Variants in RXFP2 observed in about 807,000 individuals in gnomAD.
The protein encoded by RXFP2 is relaxin family peptide receptor 2, also known as relaxin receptor 2.
Under a neutral mutation model 88.6 loss-of-function variants are expected in RXFP2, and 68 were observed. The ratio of observed to expected loss-of-function variants is 0.77; its 90% CI spans 0.63 to 0.94. The LOEUF is 0.94. Ranked by LOEUF, RXFP2 falls within the 40% of genes least tolerant of loss-of-function variation. The pLI is 0.00. For synonymous variants in RXFP2, 329 were observed against 306.8 expected, an observed-to-expected ratio of 1.07 and a Z score of -0.76; for missense variants, 791 against 893.9, an observed-to-expected ratio of 0.88 and a Z score of 1.47.
At chr13:31,745,779 TC>T (rs1871385242) in intron 1 of RXFP2, among the ~76,000 whole-genome samples, 1 of 152,222 alleles carries the variant, frequency 6.6e-6, no homozygotes, top group Non-Finnish European at 1.5e-5. Context: ...TTCAGGGTTT[TC>T]TCACAATGGA....
In RXFP2 at chr13:31,765,050, T is replaced by C. The variant is rs777920668; in HGVS notation, c.333T>C (p.Tyr111=). ...TTGTCCCATTAGTTCTAAAACAGTATCCACAATGCTGTGACTGCAAAGAAA... is the reference window on the plus strand; with the variant it reads ...TTGTCCCATTAGTTCTAAAACAGTACCCACAATGCTGTGACTGCAAAGAAA... ...ALTQECFLKQ[Y]PQCCDCKETE... is the part of the protein sequence containing the mutation. Residue 111 remains tyrosine (Y), a synonymous_variant, in exon 4 of 18, where the codon TAT becomes TAC. Transcript: ENST00000298386. The C allele has an allele frequency of 1.8e-5, 28 of 1,595,198 alleles. No homozygotes were observed. The South Asian group carries it at 3.1e-4, about 18-fold the overall frequency.
At chr13:31,773,761 C>T (rs547857493) in intron 5 of RXFP2, among the ~76,000 whole-genome samples, 1 of 152,202 alleles carries the variant, frequency 6.6e-6, no homozygotes, top group Admixed American at 6.5e-5. Flanking sequence ...ATGTGATCTA[C>T]AAATAGTTTT....
intron 17 of RXFP2, among the ~76,000 whole-genome samples, chr13:31,801,839 G>T (rs1164090321): frequency 7.1e-6 from 1 of 141,366 alleles, no homozygotes; most frequent in African/African-American, 2.5e-5. Flanking sequence ...TTCCTATAAA[G>T]GAAGGTGATA....
chr13:31,762,270 T>C (rs753712410), intron 3 of RXFP2, among the ~76,000 whole-genome samples: 1 of 152,174 alleles, frequency 6.6e-6, no homozygotes, highest in Admixed American at 6.5e-5. Context: ...GAAGAAATGA[T>C]GGCTGTGCTG....
chr13:31,793,115 A>G, intron 16 of RXFP2, 27 bp downstream of exon 16: 36 of 1,578,312 alleles, frequency 2.3e-5, no homozygotes, highest in Non-Finnish European at 3.0e-5. Context: ...CATTTCCTGG[A>G]AAAACATAAT....
intron 5 of RXFP2, among the ~76,000 whole-genome samples, chr13:31,769,360 C>T (rs974174597): frequency 4.6e-5 from 7 of 152,154 alleles, no homozygotes; most frequent in Non-Finnish European, 1.0e-4. Context: ...GCTCAGAACA[C>T]ATCTAATTGG....
intron 1 of RXFP2, among the ~76,000 whole-genome samples, chr13:31,741,854 T>C (rs1279261009): frequency 2.6e-5 from 4 of 152,216 alleles, no homozygotes. Context: ...AACATGGGCT[T>C]ATGTAGGAAA....
intron 1 of RXFP2, among the ~76,000 whole-genome samples, chr13:31,753,548 A>G (rs1566215171): frequency 6.6e-6 from 1 of 152,194 alleles, no homozygotes; most frequent in Non-Finnish European, 1.5e-5. Context: ...AAGCTTCAGT[A>G]AAAACTGTCT....
At chr13:31,760,903 A>G (rs1872273189) in intron 2 of RXFP2, among the ~76,000 whole-genome samples, 1 of 152,210 alleles carries the variant, frequency 6.6e-6, no homozygotes, top group African/African-American at 2.4e-5. Context: ...CATATGACAA[A>G]TTGACATTAA....
At chr13:31,775,622 C>T (rs1872913449) in intron 7 of RXFP2, among the ~76,000 whole-genome samples, 1 of 152,166 alleles carries the variant, frequency 6.6e-6, no homozygotes, top group African/African-American at 2.4e-5. Flanking sequence ...CACTAGATGC[C>T]TGTAGTATAC....
intron 5 of RXFP2, among the ~76,000 whole-genome samples, chr13:31,774,327 G>A (rs865990979): frequency 1.3e-5 from 2 of 152,130 alleles, no homozygotes; most frequent in African/African-American, 4.8e-5. Context: ...AGAACAGGAC[G>A]GTCACCATAG....
intron 11 of RXFP2, among the ~76,000 whole-genome samples, chr13:31,784,737 A>G (rs1873446463): frequency 6.6e-6 from 1 of 152,122 alleles, no homozygotes; most frequent in Non-Finnish European, 1.5e-5. Flanking sequence ...CCCCAACCTG[A>G]TGGCCAGCTT....
chr13:31,765,140 A>T lies in RXFP2; in HGVS notation c.423A>T (p.Leu141Phe). 6.4e-7 allele frequency: 1 copy of T among 1,565,652 alleles called. No homozygotes were observed. The highest frequency in any genetic ancestry group is 8.8e-7 in the Non-Finnish European group (1 of 1,136,268). The change falls in exon 4 of 18, where the codon TTA (leucine) becomes TTT (phenylalanine). Residue 141 changes from leucine (L) to phenylalanine (F), a missense_variant and splice_region_variant. Leu to Phe is a conservative substitution (Grantham distance 22). Coordinates refer to ENST00000298386, the MANE Select transcript of RXFP2 (RefSeq NM_130806.5). The part of the protein sequence containing the change: ...SVPMISNNVT[L>F]LSLKKNKIHS... ...CGATGATTTCTAACAATGTGACATT[A>T]CTGTGAGTAAAACTTAATTATTGGT...
intron 9 of RXFP2, among the ~76,000 whole-genome samples, chr13:31,780,219 C>T (rs2138438177): frequency 6.6e-6 from 1 of 152,154 alleles, no homozygotes; most frequent in South Asian, 2.1e-4. Flanking sequence ...AGCAAGACAG[C>T]CTGATTGCAA....
At chr13:31,799,455 G>A (rs958234952) in intron 17 of RXFP2, among the ~76,000 whole-genome samples, 8 of 152,062 alleles carry the variant, frequency 5.3e-5, no homozygotes, top group African/African-American at 1.9e-4. Context: ...CAAGTGATCT[G>A]CCCCCTGCTT....
In RXFP2 at chr13:31,802,160, T is replaced by G. The variant is rs1328875099; in HGVS notation, c.2020T>G (p.Trp674Gly). The G allele has an allele frequency of 6.2e-7, 1 of 1,614,024 alleles. No individual in the cohort carries two copies. The highest frequency in any genetic ancestry group is 8.5e-7 in the Non-Finnish European group (1 of 1,180,014). Reference sequence around the variant, plus strand: ...TCCTTTTCCAGACACAATGACTTCCTGGATAGTGATTTTTTTCCTTCCAGT... The same window carrying G: ...TCCTTTTCCAGACACAATGACTTCCGGGATAGTGATTTTTTTCCTTCCAGT... ...RVEIPDTMTS[W>G]IVIFFLPVNS... The change falls in exon 18 of 18, where the codon TGG (tryptophan) becomes GGG (glycine). Residue 674 changes from tryptophan to glycine, a missense_variant. Coordinates refer to ENST00000298386, the MANE Select transcript of RXFP2 (RefSeq NM_130806.5).
intron 1 of RXFP2, among the ~76,000 whole-genome samples, chr13:31,750,525 C>T (rs1182830169): frequency 6.6e-6 from 1 of 151,932 alleles, no homozygotes; most frequent in Non-Finnish European, 1.5e-5. Flanking sequence ...CTAAGAAATG[C>T]AAAAATCTAG....
At chr13:31,749,083 TTTC>T (rs1871551060) in intron 1 of RXFP2, among the ~76,000 whole-genome samples, 1 of 152,206 alleles carries the variant, frequency 6.6e-6, no homozygotes, top group Admixed American at 6.5e-5. Context: ...TTATTTGGCT[TTTC>T]TTCTTTGTAT....
At chr13:31,795,006 A>C (rs562048996) in intron 16 of RXFP2, among the ~76,000 whole-genome samples, 1 of 152,314 alleles carries the variant, frequency 6.6e-6, no homozygotes, top group African/African-American at 2.4e-5. Flanking sequence ...ATATAAGAAT[A>C]CATAATTTTT....
Sources: allele counts gnomAD v4.1 joint callset (sites outside exome capture counted in the v4.1 genomes callset), GRCh38; gene constraint gnomAD v4.1.1; transcripts MANE v1.5; gene names NCBI Gene and HGNC (gene_info 2026-07-23, HGNC 2026-07-21).